BCL11A: variants seen among roughly 807,000 people sequenced by gnomAD.
The protein encoded by BCL11A is B cell CLL/lymphoma 11A.
Under a neutral mutation model 55.9 loss-of-function variants are expected in BCL11A, and 2 were observed. The ratio of observed to expected loss-of-function variants is 0.04; its 90% CI spans 0.01 to 0.11. BCL11A has a LOEUF of 0.11. BCL11A is among the 10% of genes least tolerant of loss of function. The pLI, the probability that BCL11A is intolerant of heterozygous loss-of-function variation, is 1.00. For missense variants in BCL11A, 817 were observed against 1,137.1 expected, an observed-to-expected ratio of 0.72 and a Z score of 4.05; for synonymous variants, 465 against 473.4, an observed-to-expected ratio of 0.98 and a Z score of 0.23.
intron 3 of BCL11A, among the ~76,000 whole-genome samples, chr2:60,466,836 G>A (rs1340155752): frequency 6.6e-6 from 1 of 151,450 alleles, no homozygotes; most frequent in East Asian, 1.9e-4. Context: ...AAAATTAGAT[G>A]TCACACTTCT....
At chr2:60,451,269 G>C (rs1299870160) in exon 5 of BCL11A, 2 of 226,176 alleles carry the variant, frequency 8.8e-6, no homozygotes, top group Admixed American at 1.1e-4. Flanking sequence ...AGGTGGATAG[G>C]TAGGATTTTC....
chr2:60,512,258 T>C (rs971727950), intron 2 of BCL11A, among the ~76,000 whole-genome samples: 11 of 152,326 alleles, frequency 7.2e-5, no homozygotes, highest in African/African-American at 1.9e-4. Context: ...GAACTGCTCA[T>C]GGTGGCTGCC....
At chr2:60,542,019 T>G in intron 2 of BCL11A, 1 of 637,394 alleles carries the variant, frequency 1.6e-6, no homozygotes, top group Middle Eastern at 2.7e-4. Flanking sequence ...TTTAAGAGCA[T>G]GCTAATGTAT....
chr2:60,511,075 AC>A (rs1419105255), intron 2 of BCL11A, among the ~76,000 whole-genome samples: 1 of 152,220 alleles, frequency 6.6e-6, no homozygotes. Context: ...TTCCAGGCAC[AC>A]TGAGATGCCC....
chr2:60,485,110 G>A (rs1038169627), intron 2 of BCL11A, among the ~76,000 whole-genome samples: 4 of 152,160 alleles, frequency 2.6e-5, no homozygotes, highest in Admixed American at 1.3e-4. Flanking sequence ...CCACAATTTC[G>A]CAAGTTGACC....
Position 60,461,730 on chromosome 2 carries a change from C to T in BCL11A, c.1182G>A (p.Val394=). The T allele has an allele frequency of 5.0e-6, 8 of 1,613,978 alleles. No homozygotes were observed. Among genetic ancestry groups the T allele is most frequent in the Non-Finnish European group, 6.8e-6 (8 of 1,180,044 alleles). The change falls in exon 4 of 4, where the codon GTG becomes GTA. Residue 394 remains valine (V), a synonymous_variant. Coordinates refer to ENST00000642384, the MANE Select transcript of BCL11A (RefSeq NM_022893.4). ...TCTCGCCCGTGTGGCTGCGCCGGTG[C>T]ACCACCAGGTTGCTCTGAAATTTGA... The part of the protein sequence containing the change: ...KTFKFQSNLV[V]HRRSHTGEKP...
In BCL11A at chr2:60,519,530, G is replaced by A. The variant is rs1035558033; in HGVS notation, c.385+26441C>T. Among the ~76,000 whole-genome samples, 13 of 135,636 alleles carry A rather than the reference G, an allele frequency of 9.6e-5. No individual in the cohort carries two copies. In the East Asian group the frequency reaches 2.2e-3, roughly 23 times the overall value. The allele number at this position is 135,636 out of a possible 152,430, so 89.0% of individuals were successfully genotyped here. On this transcript the variant is annotated intron_variant, in intron 2 of 3. Transcript: ENST00000642384. ...CACTCATGCTGCAGAGAAAAAATAA[G>A]GTCCTCACTTGCCTGCCTGCCTGCC...
intron 2 of BCL11A, among the ~76,000 whole-genome samples, chr2:60,479,125 G>T (rs1447291355): frequency 6.6e-6 from 1 of 152,204 alleles, no homozygotes; most frequent in African/African-American, 2.4e-5. Flanking sequence ...CATGGGGTGT[G>T]GCACTGCCGT....
chr2:60,468,001 G>A (rs1346679652), intron 3 of BCL11A, among the ~76,000 whole-genome samples: 3 of 130,928 alleles, frequency 2.3e-5, no homozygotes, highest in Admixed American at 7.2e-5. Context: ...TAATGGTGGT[G>A]GTGGTGATGG....
chr2:60,538,659 A>T (rs1163401792), intron 2 of BCL11A: 1 of 151,958 alleles, frequency 6.6e-6, no homozygotes, highest in Admixed American at 6.6e-5. Context: ...GTTGTTTTTT[A>T]AAAAAAGTAC....
At position 60,461,758 on chromosome 2, in the gene BCL11A, G is replaced by A; in HGVS notation, c.1154C>T (p.Thr385Met). 6.2e-7 allele frequency: 1 copy of A among 1,613,450 alleles called. No individual in the cohort carries two copies. The highest frequency in any genetic ancestry group is 8.5e-7 in the Non-Finnish European group (1 of 1,179,954). Residue 385 changes from threonine to methionine, a missense_variant, in exon 4 of 4, where the codon ACG (threonine) becomes ATG (methionine). Transcript: ENST00000642384. ...CACCAGGTTGCTCTGAAATTTGAAC[G>A]TCTTGCCGCAGAACTCGCATGACTT... ...KSKSCEFCGK[T>M]FKFQSNLVVH...
chr2:60,482,925 G>C (rs1377599143), intron 2 of BCL11A, among the ~76,000 whole-genome samples: 2 of 152,220 alleles, frequency 1.3e-5, no homozygotes, highest in Non-Finnish European at 2.9e-5. Flanking sequence ...GATTGGCAGA[G>C]TCCCCACTGA....
chr2:60,466,116 G>A (rs775273664), intron 3 of BCL11A, among the ~76,000 whole-genome samples: 3 of 152,168 alleles, frequency 2.0e-5, no homozygotes, highest in East Asian at 1.9e-4. Flanking sequence ...TGCCAGCAGG[G>A]GCACCAGCAA....
rs915643719 is a variant in BCL11A, at chr2:60,473,293, G to A, written c.386-4460C>T. ...CACAAAAGCAGTAGAGCTGTCCCAC[G>A]TGGAATGGGCTATCTCGTGACACTG... On this transcript the variant is annotated intron_variant, in intron 2 of 3. Transcript: ENST00000642384. Among the ~76,000 whole-genome samples the A allele has an allele frequency of 5.3e-5, 8 of 149,970 alleles. No homozygotes were observed. The South Asian group carries it at 6.3e-4, about 12-fold the overall frequency.
chr2:60,459,044 T>G lies in BCL11A; in HGVS notation c.*1360A>C. On this transcript the variant is annotated 3_prime_UTR_variant, in exon 4 of 4. Transcript: ENST00000642384. ...ACATTTAAATGCAAGTCTTAAGAAT[T>G]CATAGTTAATCATCATTGTATCAAT... The G allele has an allele frequency of 1.9e-5, 19 of 1,016,510 alleles. 1 individual carries two copies. In the South Asian group the frequency reaches 7.5e-4, roughly 40 times the overall value. The allele number at this position is 1,016,510 out of a possible 1,614,324, so 63.0% of individuals were successfully genotyped here. A position where few individuals can be genotyped will look rare whatever the true frequency, so the allele number is the denominator to read the frequency against.
downstream of BCL11A, chr2:60,450,923 A>G (rs550361395): frequency 6.3e-6 from 1 of 158,302 alleles, no homozygotes; most frequent in South Asian, 2.0e-4. Context: ...TTATGTGCTA[A>G]CACAGGAAAA....
intron 2 of BCL11A, among the ~76,000 whole-genome samples, chr2:60,491,900 C>A (rs1678662441): frequency 1.3e-5 from 2 of 152,114 alleles, no homozygotes; most frequent in Non-Finnish European, 1.5e-5. Flanking sequence ...GCAGTCCACA[C>A]AAATCTGCCA....
At chr2:60,522,710 C>T (rs1437761009) in intron 2 of BCL11A, 1 of 152,320 alleles carries the variant, frequency 6.6e-6, no homozygotes, top group Admixed American at 6.5e-5. Context: ...TGGCCCATCA[C>T]CACATCCGAC....
intron 2 of BCL11A, among the ~76,000 whole-genome samples, chr2:60,504,765 T>C (rs1679480561): frequency 6.6e-6 from 1 of 152,158 alleles, no homozygotes; most frequent in South Asian, 2.1e-4. Flanking sequence ...TGAAATTATA[T>C]AGAGAGGTGG....
Sources: gnomAD v4.1 joint callset for allele counts (sites outside exome capture counted in the v4.1 genomes callset) on GRCh38, gnomAD v4.1.1 for gene constraint, MANE v1.5 for transcripts, NCBI Gene and HGNC (gene_info 2026-07-23, HGNC 2026-07-21) for gene names.